Variants in B3GLCT observed in about 807,000 individuals in gnomAD.
B3GLCT encodes the protein beta 3-glucosyltransferase.
B3GLCT carries 65 observed loss-of-function variants against 63.4 expected under a neutral mutation model. The observed-to-expected ratio is 1.03, with a 90% CI of 0.84 to 1.26. The LOEUF (loss-of-function observed/expected upper bound fraction) is 1.26, where lower values mean the gene tolerates loss of function less well. Ranked by LOEUF, B3GLCT falls within the 50% of genes most tolerant of loss-of-function variation. B3GLCT has a pLI of 0.00. For synonymous variants in B3GLCT, 233 were observed against 219.2 expected (o/e 1.06, Z -0.55); for missense variants, 577 against 604.8 (o/e 0.95, Z 0.48).
At chr13:31,273,010 A>G (rs533031992) in intron 8 of B3GLCT, among the ~76,000 whole-genome samples, 1 of 152,298 alleles carries the variant, frequency 6.6e-6, no homozygotes, top group East Asian at 1.9e-4. Flanking sequence ...TTTTTGAAGC[A>G]TGCTTACATC....
At chr13:31,278,418 T>C (rs1872900036) in intron 10 of B3GLCT, among the ~76,000 whole-genome samples, 1 of 152,214 alleles carries the variant, frequency 6.6e-6, no homozygotes, top group East Asian at 1.9e-4. Context: ...CTTTAAAAAT[T>C]ACAAAATCTT....
chr13:31,276,690 T>TC lies in B3GLCT; in HGVS notation c.781-11dup, dbSNP rs1872805370. The TC allele has an allele frequency of 6.3e-7, 1 of 1,598,726 alleles. No homozygotes were observed. The highest frequency in any genetic ancestry group is 8.6e-7 in the Non-Finnish European group (1 of 1,166,918). ...TCACATATGCATACATTTTTTCTTT[T>TC]CTTTTTTTTAGAGAAAGCCAGTGAA... On this transcript the variant is annotated splice_polypyrimidine_tract_variant and intron_variant, in intron 9 of 14. Transcript: ENST00000343307.
intron 1 of B3GLCT, among the ~76,000 whole-genome samples, chr13:31,204,884 G>C (rs961088576): frequency 6.6e-6 from 1 of 152,142 alleles, no homozygotes; most frequent in Non-Finnish European, 1.5e-5. Flanking sequence ...ATCCACCATG[G>C]GTAGTAGTGC....
chr13:31,236,035 T>C (rs993602264), intron 4 of B3GLCT, among the ~76,000 whole-genome samples: 1 of 152,254 alleles, frequency 6.6e-6, no homozygotes, highest in African/African-American at 2.4e-5. Flanking sequence ...TGTAGACACC[T>C]ATTTCCTTGG....
chr13:31,317,019 T>C (rs1875073238), intron 12 of B3GLCT, among the ~76,000 whole-genome samples: 1 of 152,236 alleles, frequency 6.6e-6, no homozygotes, highest in Non-Finnish European at 1.5e-5. Flanking sequence ...GAAACGAGCA[T>C]GGTTGTGCCT....
rs57094878 is a variant in B3GLCT, at chr13:31,328,717, A to AC, written c.1330-784_1330-783insC. 4.9e-4 allele frequency among the ~76,000 whole-genome samples: 74 copies of AC among 149,590 alleles called. 1 individual carries two copies. Among genetic ancestry groups the AC allele is most frequent in the South Asian group, 2.8e-3 (13 of 4,712 alleles). ...CAAAAAAAAAAAAAAAAAAAAAAAA[A>AC]GGTTTACCGAGAGAAACTGGATACT... On this transcript the variant is annotated intron_variant, in intron 14 of 14. Coordinates refer to ENST00000343307, the MANE Select transcript of B3GLCT (RefSeq NM_194318.4).
chr13:31,308,657 A>C (rs551168498), intron 12 of B3GLCT, among the ~76,000 whole-genome samples: 1 of 152,246 alleles, frequency 6.6e-6, no homozygotes, highest in South Asian at 2.1e-4. Context: ...ACTGCCCCTA[A>C]ATTAGTTATT....
At chr13:31,319,580 G>A (rs991901220) in intron 13 of B3GLCT, among the ~76,000 whole-genome samples, 2 of 151,952 alleles carry the variant, frequency 1.3e-5, no homozygotes, top group Admixed American at 6.6e-5. Context: ...CTTCTTTCTG[G>A]TCATTCCTTC....
intron 3 of B3GLCT, among the ~76,000 whole-genome samples, chr13:31,225,654 G>A (rs1469323832): frequency 6.6e-6 from 1 of 152,076 alleles, no homozygotes; most frequent in Non-Finnish European, 1.5e-5. Flanking sequence ...ACCCCCATGC[G>A]TCCTGTTCCT....
At chr13:31,267,168 A>C (rs1872363882) in intron 7 of B3GLCT, among the ~76,000 whole-genome samples, 1 of 152,250 alleles carries the variant, frequency 6.6e-6, no homozygotes. Flanking sequence ...AGCCAAAAAG[A>C]TGGAGAGCAT....
rs531123837 is a variant in B3GLCT at position 31,257,896 on chromosome 13, A to T, written c.460-3050A>T. 2.0e-5 allele frequency among the ~76,000 whole-genome samples: 3 copies of T among 152,270 alleles called. No individual in the cohort carries two copies. In the East Asian group the frequency reaches 5.8e-4, roughly 29 times the overall value. The stretch of plus-strand genomic sequence containing the variant: ...CTATTACATGTTAGGTGTACTGGAG[A>T]TATAGCAGTGAACAAAATGGACAAC... On this transcript the variant is annotated intron_variant, in intron 6 of 14. Coordinates refer to ENST00000343307, the MANE Select transcript of B3GLCT (RefSeq NM_194318.4).
At chr13:31,201,485 C>G (rs1868664725) in intron 1 of B3GLCT, among the ~76,000 whole-genome samples, 1 of 152,142 alleles carries the variant, frequency 6.6e-6, no homozygotes, top group African/African-American at 2.4e-5. Context: ...GAATCGGCTT[C>G]AGTGGAAGAA....
At chr13:31,308,351 A>AC (rs1239296239) in intron 12 of B3GLCT, among the ~76,000 whole-genome samples, 1 of 28,038 alleles carries the variant, frequency 3.6e-5, no homozygotes, top group African/African-American at 5.6e-5. Context: ...AAAAATTAAA[A>AC]AAAAAAAAAC....
Position 31,247,866 on chromosome 13 carries a change from C to T in B3GLCT, c.359C>T (p.Thr120Ile). The T allele has an allele frequency of 6.4e-7, 1 of 1,572,166 alleles. No homozygotes were observed. Among genetic ancestry groups the T allele is most frequent in the Non-Finnish European group, 8.8e-7 (1 of 1,142,392 alleles). The change falls in exon 6 of 15, where the codon ACA becomes ATA. Residue 120 changes from threonine to isoleucine, a missense_variant. Physicochemically the swap from Thr to Ile is moderately conservative, Grantham distance 89. Coordinates refer to ENST00000343307, the MANE Select transcript of B3GLCT (RefSeq NM_194318.4). ...TTTCTTTTGGTCAGTTTTTCTGTAA[C>T]ATATAGCAGAAATTCATCTTGGATT... ...ILPLLPHFSV[T>I]YSRNSSWIFF...
At chr13:31,239,970 C>T (rs1355508389) in intron 4 of B3GLCT, among the ~76,000 whole-genome samples, 3 of 152,056 alleles carry the variant, frequency 2.0e-5, no homozygotes, top group Admixed American at 2.0e-4. Context: ...CTTGCTTGCC[C>T]AGGGAATCAC....
At chr13:31,208,619 GC>G (rs11377541) in intron 1 of B3GLCT, among the ~76,000 whole-genome samples, 8,878 of 70,778 alleles carry the variant, frequency 0.13, 586 homozygotes, top group African/African-American at 0.17. Flanking sequence ...TTCTTTAGTG[GC>G]CCCCCCCCCC....
intron 8 of B3GLCT, among the ~76,000 whole-genome samples, chr13:31,270,009 T>G (rs1872513804): frequency 6.6e-6 from 1 of 152,204 alleles, no homozygotes; most frequent in Non-Finnish European, 1.5e-5. Flanking sequence ...TGCTTGGCTG[T>G]CTGGAGCAGA....
At chr13:31,294,293 G>A (rs546542462) in intron 12 of B3GLCT, among the ~76,000 whole-genome samples, 1 of 152,216 alleles carries the variant, frequency 6.6e-6, no homozygotes, top group East Asian at 1.9e-4. Flanking sequence ...GTGTCTTAGG[G>A]TTGCTCTTCC....
At chr13:31,295,343 G>T (rs956239841) in intron 12 of B3GLCT, among the ~76,000 whole-genome samples, 8 of 152,190 alleles carry the variant, frequency 5.3e-5, no homozygotes, top group Non-Finnish European at 1.0e-4. Context: ...CTCCAGTGCT[G>T]TGCTGGGAGA....
Sources: gnomAD v4.1 joint callset for allele counts (sites outside exome capture counted in the v4.1 genomes callset) on GRCh38, gnomAD v4.1.1 for gene constraint, MANE v1.5 for transcripts, NCBI Gene and HGNC (gene_info 2026-07-23, HGNC 2026-07-21) for gene names.